Variants in FGD5 observed in about 807,000 individuals in gnomAD.
FGD5 encodes the protein FYVE, RhoGEF and PH domain containing 5.
FGD5 carries 28 observed loss-of-function variants against 133.4 expected under a neutral mutation model. The ratio of observed to expected loss-of-function variants is 0.21; its 90% CI spans 0.16 to 0.29. The LOEUF is 0.29. FGD5 is among the 10% of genes least tolerant of loss of function. FGD5 has a pLI of 1.00. For synonymous variants in FGD5, 810 were observed against 776.5 expected (o/e 1.04, Z -0.72); for missense variants, 1,858 against 1,895.2 (o/e 0.98, Z 0.36).
chr3:14,858,724 G>A (rs1388466746), intron 1 of FGD5, among the ~76,000 whole-genome samples: 2 of 152,198 alleles, frequency 1.3e-5, no homozygotes, highest in Admixed American at 6.5e-5. Flanking sequence ...GGAGGTTTCT[G>A]TTGGCAGACT....
chr3:14,847,605 C>T (rs1459703550), intron 1 of FGD5, among the ~76,000 whole-genome samples: 1 of 152,204 alleles, frequency 6.6e-6, no homozygotes, highest in Non-Finnish European at 1.5e-5. Flanking sequence ...TCACAGCAAC[C>T]TAATGAGGTC....
At chr3:14,892,883 C>T (rs1370578133) in intron 4 of FGD5, among the ~76,000 whole-genome samples, 1 of 152,022 alleles carries the variant, frequency 6.6e-6, no homozygotes, top group Admixed American at 6.6e-5. Flanking sequence ...ATGTCTTGCC[C>T]CATAGTCCAG....
rs374445929 is a variant in FGD5 at position 14,854,432 on chromosome 3, T to TATTTATTTATTG, written c.2526-9693_2526-9692insTATTTATTGATT. Among the ~76,000 whole-genome samples the TATTTATTTATTG allele has an allele frequency of 2.9e-3, 411 of 143,410 alleles. 1 individual carries two copies. Among genetic ancestry groups the TATTTATTTATTG allele is most frequent in the African/African-American group, 9.0e-3 (342 of 38,114 alleles). The allele number at this position is 143,410 out of a possible 152,430, so 94.1% of individuals were successfully genotyped here. On this transcript the variant is annotated intron_variant, in intron 1 of 19. Coordinates refer to ENST00000285046, the MANE Select transcript of FGD5 (RefSeq NM_152536.4). ...TTATTTATTTATTTATTTATTTATT[T>TATTTATTTATTG]ATTGAGACGAGCTCACTCTGTCGCC...
Position 14,864,211 on chromosome 3 carries a change from G to A in FGD5, c.2609G>A (p.Ser870Asn), listed in dbSNP as rs1227691175. The A allele has an allele frequency of 6.2e-7, 1 of 1,614,042 alleles. No individual in the cohort carries two copies. Among genetic ancestry groups the A allele is most frequent in the South Asian group, 1.1e-5 (1 of 91,078 alleles). The change falls in exon 2 of 20, where the codon AGC becomes AAC. Residue 870 changes from serine to asparagine, a missense_variant. Transcript: ENST00000285046. ...CTTACGTCGGATGAAGAGCAGAGAAGCTCGGAGGAGGAGGACAGTGCTTCA... is the reference window on the plus strand; with the variant it reads ...CTTACGTCGGATGAAGAGCAGAGAAACTCGGAGGAGGAGGACAGTGCTTCA... The part of the protein sequence containing the change: ...EDLTSDEEQR[S>N]SEEEDSASRD...
intron 2 of FGD5, among the ~76,000 whole-genome samples, chr3:14,868,691 C>T (rs1353331477): frequency 1.3e-5 from 2 of 152,258 alleles, no homozygotes; most frequent in Admixed American, 1.3e-4. Flanking sequence ...CAATACTCAT[C>T]TCCTAGTGAA....
intron 1 of FGD5, among the ~76,000 whole-genome samples, chr3:14,861,644 G>C (rs968228232): frequency 1.3e-5 from 2 of 152,088 alleles, no homozygotes; most frequent in Non-Finnish European, 2.9e-5. Context: ...CCTCTCCCCT[G>C]TATCACCCAT....
chr3:14,932,849 G>A, intron 19 of FGD5, 118 bp downstream of exon 19: 1 of 1,223,906 alleles, frequency 8.2e-7, no homozygotes, highest in Non-Finnish European at 1.2e-6. Flanking sequence ...GGTCCCTTTG[G>A]GCCATAGCAG....
Position 14,821,142 on chromosome 3 carries a change from A to T in FGD5, c.2071A>T (p.Arg691Trp), listed in dbSNP as rs1268713292. ...AGAGTCCAGCTACCACGGGCCTTCC[A>T]GGATTCTGGAAGTTGACCGGAGAAG... ...SSESSYHGPS[R>W]ILEVDRRSLS... Residue 691 changes from arginine to tryptophan, a missense_variant, in exon 1 of 20, where the codon AGG (arginine) becomes TGG (tryptophan). Physicochemically the swap from Arg to Trp is moderately radical, Grantham distance 101 (BLOSUM62 -3). Coordinates refer to ENST00000285046, the MANE Select transcript of FGD5 (RefSeq NM_152536.4). The T allele has an allele frequency of 6.2e-7, 1 of 1,614,004 alleles. No homozygotes were observed. The highest frequency in any genetic ancestry group is 8.5e-7 in the Non-Finnish European group (1 of 1,179,900).
At position 14,918,758 on chromosome 3, in the gene FGD5, GCCGCC is replaced by G; in HGVS notation, c.3496_3500del (p.Arg1166CysfsTer12). 6.2e-7 allele frequency: 1 copy of G among 1,613,928 alleles called. No individual in the cohort carries two copies. The highest frequency in any genetic ancestry group is 8.5e-7 in the Non-Finnish European group (1 of 1,179,874). ...AGGCTGCTGTTGGTTTTCCAGGTCA[GCCGCC>G]CTGTGATGGAGAAAGTGCCCTACGC... is the stretch of plus-strand genomic sequence containing the variant. On this transcript the variant is annotated frameshift_variant, in exon 13 of 20. Coordinates refer to ENST00000285046, the MANE Select transcript of FGD5 (RefSeq NM_152536.4). LOFTEE classifies it high-confidence loss of function.
At chr3:14,911,933 C>T (rs937071) in intron 11 of FGD5, among the ~76,000 whole-genome samples, 12,547 of 151,420 alleles carry the variant, frequency 0.083, 974 homozygotes, top group East Asian at 0.42. Flanking sequence ...AAAATTCTAC[C>T]CGAGTTCAGC....
chr3:14,818,846 TG>T, upstream of FGD5: 3 of 1,234,336 alleles, frequency 2.4e-6, no homozygotes, highest in Non-Finnish European at 3.2e-6. Context: ...GGGCTTCACA[TG>T]GATGGACGGA....
chr3:14,834,342 C>T (rs982002435), intron 1 of FGD5, among the ~76,000 whole-genome samples: 1 of 152,184 alleles, frequency 6.6e-6, no homozygotes, highest in Non-Finnish European at 1.5e-5. Flanking sequence ...TCAGTCTCTT[C>T]ATCTGTTAGA....
intron 13 of FGD5, chr3:14,920,275 T>C (rs2038649099): frequency 6.6e-6 from 1 of 151,954 alleles, no homozygotes. Context: ...CACATGGGGG[T>C]TTATCCTGCA....
chr3:14,862,186 G>A (rs2125103272), intron 1 of FGD5, among the ~76,000 whole-genome samples: 1 of 152,294 alleles, frequency 6.6e-6, no homozygotes, highest in African/African-American at 2.4e-5. Flanking sequence ...AGTGGTAGGA[G>A]TGCTGCTAAC....
At chr3:14,868,061 C>T (rs948263820) in intron 2 of FGD5, among the ~76,000 whole-genome samples, 4 of 151,876 alleles carry the variant, frequency 2.6e-5, no homozygotes, top group Non-Finnish European at 4.4e-5. Context: ...CGCTCCCACT[C>T]GTAGACACAC....
chr3:14,894,727 T>C (rs1016415667), intron 4 of FGD5, among the ~76,000 whole-genome samples: 1 of 150,762 alleles, frequency 6.6e-6, no homozygotes, highest in Non-Finnish European at 1.5e-5. Context: ...CCCAGACTGG[T>C]CTTGAACTCC....
intron 1 of FGD5, among the ~76,000 whole-genome samples, chr3:14,846,140 G>A (rs1213475741): frequency 1.3e-5 from 2 of 152,190 alleles, no homozygotes; most frequent in Non-Finnish European, 2.9e-5. Context: ...CACACCTGTC[G>A]TGTTAATTGA....
At chr3:14,828,821 T>TC (rs72061676) in intron 1 of FGD5, among the ~76,000 whole-genome samples, 13 of 79,368 alleles carry the variant, frequency 1.6e-4, no homozygotes, top group East Asian at 8.0e-4. Flanking sequence ...GGTGGGTCTC[T>TC]TTTTTTTTTT....
chr3:14,865,470 T>C (rs2125105665), intron 2 of FGD5, among the ~76,000 whole-genome samples: 1 of 151,972 alleles, frequency 6.6e-6, no homozygotes, highest in South Asian at 2.1e-4. Context: ...CTCAAGAGAG[T>C]TACTCCCCTC....
Sources: gnomAD v4.1 joint callset for allele counts (sites outside exome capture counted in the v4.1 genomes callset) on GRCh38, gnomAD v4.1.1 for gene constraint, MANE v1.5 for transcripts, NCBI Gene and HGNC (gene_info 2026-07-23, HGNC 2026-07-21) for gene names.